PTPRD: variants seen among roughly 807,000 people sequenced by gnomAD.
PTPRD encodes receptor-type tyrosine-protein phosphatase delta.
A neutral mutation model predicts 214.5 loss-of-function variants in PTPRD; 34 were observed. The ratio of observed to expected loss-of-function variants is 0.16; its 90% CI spans 0.12 to 0.21. The LOEUF is 0.21. Among genes scored for constraint, PTPRD ranks in the 10% least tolerant of loss-of-function variants. The pLI is 1.00. For missense variants in PTPRD, 2,545 were observed against 2,398.7 expected, an observed-to-expected ratio of 1.06 and a Z score of -1.27; for synonymous variants, 1,128 against 845.7, an observed-to-expected ratio of 1.33 and a Z score of -5.79.
At chr9:8,658,002 C>T (rs1237914704) in intron 12 of PTPRD, among the ~76,000 whole-genome samples, 1 of 152,084 alleles carries the variant, frequency 6.6e-6, no homozygotes, top group Non-Finnish European at 1.5e-5. Flanking sequence ...ATCTTAGCAG[C>T]AAAATATTGC....
At chr9:10,220,655 T>C (rs1024811980) in intron 3 of PTPRD, among the ~76,000 whole-genome samples, 21 of 151,866 alleles carry the variant, frequency 1.4e-4, no homozygotes, top group Non-Finnish European at 2.9e-4. Context: ...TAAAATATCC[T>C]AAAACTTCAT....
At chr9:9,487,562 A>C (rs2095704859) in intron 8 of PTPRD, among the ~76,000 whole-genome samples, 1 of 101,652 alleles carries the variant, frequency 9.8e-6, no homozygotes, top group South Asian at 3.5e-4. Flanking sequence ...TCATTTTCTT[A>C]ATTCAAAAAA....
At chr9:9,117,323 G>A (rs1005061854) in intron 10 of PTPRD, among the ~76,000 whole-genome samples, 4 of 149,110 alleles carry the variant, frequency 2.7e-5, no homozygotes, top group Non-Finnish European at 5.9e-5. Context: ...TAGCTCCATT[G>A]TGCCTTAATA....
chr9:10,376,877 C>T (rs903976797), intron 2 of PTPRD, among the ~76,000 whole-genome samples: 20 of 151,968 alleles, frequency 1.3e-4, no homozygotes, highest in Admixed American at 5.3e-4. Context: ...CGTAACCCTT[C>T]AAGCATTTAT....
intron 5 of PTPRD, among the ~76,000 whole-genome samples, chr9:9,793,551 C>A (rs1213784932): frequency 2.0e-5 from 3 of 151,972 alleles, no homozygotes; most frequent in Non-Finnish European, 4.4e-5. Flanking sequence ...TTATTTTATG[C>A]TGTTAAGAAA....
chr9:9,452,487 A>G (rs1375430027), intron 8 of PTPRD, among the ~76,000 whole-genome samples: 1 of 151,404 alleles, frequency 6.6e-6, no homozygotes, highest in African/African-American at 2.4e-5. Flanking sequence ...GGAAGTATAC[A>G]TCAAAAATGA....
At chr9:8,767,669 A>C (rs983570201) in intron 11 of PTPRD, among the ~76,000 whole-genome samples, 1 of 152,234 alleles carries the variant, frequency 6.6e-6, no homozygotes, top group Non-Finnish European at 1.5e-5. Context: ...ACCATACAAT[A>C]GAATTATCAG....
At chr9:9,794,213 A>G (rs555967467) in intron 5 of PTPRD, among the ~76,000 whole-genome samples, 79 of 151,198 alleles carry the variant, frequency 5.2e-4, no homozygotes, top group Non-Finnish European at 9.1e-4. Context: ...ATATATATAT[A>G]TATACACGTA....
chr9:9,312,398 C>A (rs1959274691), intron 9 of PTPRD, among the ~76,000 whole-genome samples: 1 of 152,124 alleles, frequency 6.6e-6, no homozygotes. Context: ...CATTGTACAG[C>A]ATGTCTTTGA....
Position 8,733,881 on chromosome 9 carries a change from A to G in PTPRD, c.-38T>C. On this transcript the variant is annotated 5_prime_UTR_variant, in exon 12 of 46. Transcript: ENST00000381196. ...CAGCAGCGTGCGCGAGCAGCTTGGAATCACTGCCTCCGGAGCCGCAGCGAG... is the reference window on the plus strand; with the variant it reads ...CAGCAGCGTGCGCGAGCAGCTTGGAGTCACTGCCTCCGGAGCCGCAGCGAG... The G allele has an allele frequency of 6.5e-7, 1 of 1,546,382 alleles. No homozygotes were observed. Among genetic ancestry groups the G allele is most frequent in the Non-Finnish European group, 8.7e-7 (1 of 1,145,114 alleles).
In PTPRD at chr9:9,331,335, T is replaced by C. The variant is rs79508525; in HGVS notation, c.-203+66114A>G. Among the ~76,000 whole-genome samples, 600 of 152,228 alleles carry C rather than the reference T, an allele frequency of 3.9e-3. 2 individuals carry two copies. The highest frequency in any genetic ancestry group is 7.0e-3 in the Non-Finnish European group (479 of 67,990). On this transcript the variant is annotated intron_variant, in intron 9 of 45. Coordinates refer to ENST00000381196, the MANE Select transcript of PTPRD (RefSeq NM_002839.4). ...TACTAAGTTTTTAAAATGTTTTAAA[T>C]TCCTTAAATAGTAGTATGATTGCCT...
chr9:9,475,153 C>CAAT (rs2094931956), intron 8 of PTPRD, among the ~76,000 whole-genome samples: 1 of 152,150 alleles, frequency 6.6e-6, no homozygotes, highest in East Asian at 1.9e-4. Context: ...TTCTATTATA[C>CAAT]AATACTACTT....
chr9:9,789,482 G>A (rs1221978444), intron 5 of PTPRD, among the ~76,000 whole-genome samples: 1 of 152,070 alleles, frequency 6.6e-6, no homozygotes, highest in African/African-American at 2.4e-5. Context: ...GGAGATAATC[G>A]ACATATTCCC....
intron 12 of PTPRD, among the ~76,000 whole-genome samples, chr9:8,709,527 A>G (rs1016646127): frequency 1.3e-5 from 2 of 149,384 alleles, no homozygotes; most frequent in African/African-American, 4.9e-5. Context: ...AAAAAAAAAA[A>G]AAAAGAAAAA....
At chr9:10,052,794 C>A (rs1271730915) in intron 3 of PTPRD, among the ~76,000 whole-genome samples, 3 of 152,024 alleles carry the variant, frequency 2.0e-5, no homozygotes, top group Admixed American at 1.3e-4. Context: ...TCCAACTATT[C>A]ATCTACTCTA....
intron 8 of PTPRD, among the ~76,000 whole-genome samples, chr9:9,426,562 A>C (rs1569568220): frequency 6.6e-6 from 1 of 152,010 alleles, no homozygotes. Context: ...AGTGTAGTGG[A>C]TCTCCCAGCA....
rs1563928923 is a variant in PTPRD at position 8,507,401 on chromosome 9, G to C, written c.1577C>G (p.Pro526Arg). Residue 526 changes from proline to arginine, a missense_variant, in exon 22 of 46, where the codon CCT becomes CGT. By Grantham distance (103) the Pro-to-Arg change is moderately radical. Coordinates refer to ENST00000381196, the MANE Select transcript of PTPRD (RefSeq NM_002839.4). The stretch of plus-strand genomic sequence containing the variant: ...GAGCAAAATACTTGTTTCAGACTCA[G>C]GTTCTGCTTTGAAGTTTAGTGGCTG... Reference protein sequence around the residue: ...PGQPLNFKAEPESETSILLSW... With the variant: ...PGQPLNFKAERESETSILLSW... The C allele has an allele frequency of 1.2e-6, 2 of 1,613,972 alleles. No homozygotes were observed. Among genetic ancestry groups the C allele is most frequent in the South Asian group, 1.1e-5 (1 of 91,074 alleles).
chr9:9,136,522 G>C (rs2099851147), intron 10 of PTPRD, among the ~76,000 whole-genome samples: 1 of 151,828 alleles, frequency 6.6e-6, no homozygotes, highest in Non-Finnish European at 1.5e-5. Flanking sequence ...TTAGATTCTA[G>C]AAAAAAGGTT....
At chr9:9,036,129 A>T (rs966786289) in intron 10 of PTPRD, among the ~76,000 whole-genome samples, 2 of 152,070 alleles carry the variant, frequency 1.3e-5, no homozygotes, top group Non-Finnish European at 1.5e-5. Flanking sequence ...CCATCCAAGG[A>T]AAGTCTTGCT....
Sources: allele counts gnomAD v4.1 joint callset (sites outside exome capture counted in the v4.1 genomes callset), GRCh38; gene constraint gnomAD v4.1.1; transcripts MANE v1.5; gene names NCBI Gene and HGNC (gene_info 2026-07-23, HGNC 2026-07-21).